Variants in AHRR observed in about 807,000 individuals in gnomAD.
The protein encoded by AHRR is ahR repressor.
A neutral mutation model predicts 44.0 loss-of-function variants in AHRR; 28 were observed. That is an observed-to-expected ratio of 0.64 (90% CI 0.47 to 0.87). The LOEUF (loss-of-function observed/expected upper bound fraction) is 0.87. Ranked by LOEUF, AHRR falls within the 40% of genes least tolerant of loss-of-function variation. AHRR has a pLI of 0.00. For synonymous variants in AHRR, 434 were observed against 407.0 expected (o/e 1.07, Z -0.80); for missense variants, 990 against 953.9 (o/e 1.04, Z -0.50).
rs111951698 is a variant in AHRR at position 392,783 on chromosome 5, G to A, written c.351+16067G>A. ...CACGTCGACTCTTCTTGCCCATTAC[G>A]TCATTTCATCAGGCCTTACCGCGAC... On this transcript the variant is annotated intron_variant, in intron 4 of 10. Coordinates refer to ENST00000684583, the MANE Select transcript of AHRR (RefSeq NM_001377236.1). 9.3e-3 allele frequency among the ~76,000 whole-genome samples: 1,410 copies of A among 152,218 alleles called. 22 individuals carry two copies. Among genetic ancestry groups the A allele is most frequent in the African/African-American group, 0.029 (1,189 of 41,522 alleles).
At chr5:410,759 G>A (rs1735438852) in intron 4 of AHRR, among the ~76,000 whole-genome samples, 1 of 152,204 alleles carries the variant, frequency 6.6e-6, no homozygotes, top group South Asian at 2.1e-4. Context: ...GGTATTTTAT[G>A]TTTTTTGATT....
In AHRR at chr5:404,369, G is replaced by A; in HGVS notation, c.352-8975G>A. 2.0e-6 allele frequency: 1 copy of A among 505,978 alleles called. No individual in the cohort carries two copies. The highest frequency in any genetic ancestry group is 3.9e-6 in the Non-Finnish European group (1 of 255,114). The allele number at this position is 505,978 out of a possible 1,614,324, so 31.3% of individuals were successfully genotyped here. On this transcript the variant is annotated intron_variant, in intron 4 of 10. Coordinates refer to ENST00000684583, the MANE Select transcript of AHRR (RefSeq NM_001377236.1). The surrounding 1 kb of genome is among the most constrained non-coding windows in gnomAD (Gnocchi z 4.1). ...TTTTCTTTTTTCCTTCATTCTGGGTGTCTTCAGTGGTCCTAAAGCCTTTTG... is the reference window on the plus strand; with the variant it reads ...TTTTCTTTTTTCCTTCATTCTGGGTATCTTCAGTGGTCCTAAAGCCTTTTG...
At chr5:422,952 G>A in intron 6 of AHRR, 94 bp downstream of exon 6, 1 of 1,461,836 alleles carries the variant, frequency 6.8e-7, no homozygotes, top group African/African-American at 1.4e-5. Flanking sequence ...CACCTTCTTG[G>A]TGTGCTTTGC....
chr5:424,295 T>G (rs374304427), intron 7 of AHRR, among the ~76,000 whole-genome samples: 454 of 91,722 alleles, frequency 4.9e-3, no homozygotes, highest in Non-Finnish European at 7.3e-3. Flanking sequence ...GTGTGGGGGC[T>G]TTAACCCACG....
chr5:340,689 T>TATATATATA (rs1491423678), intron 1 of AHRR, among the ~76,000 whole-genome samples: 1 of 17,412 alleles, frequency 5.7e-5, no homozygotes, highest in African/African-American at 2.6e-4. Flanking sequence ...TATATATATA[T>TATATATATA]TTTTTTTTTT....
chr5:373,882 C>T (rs1375410082), intron 3 of AHRR, among the ~76,000 whole-genome samples: 4 of 150,902 alleles, frequency 2.7e-5, no homozygotes, highest in South Asian at 4.1e-4. Flanking sequence ...CACGCGAGGC[C>T]TGGCTGGCCC....
intron 4 of AHRR, among the ~76,000 whole-genome samples, chr5:397,986 G>GT (rs1217416991): frequency 0.011 from 890 of 77,794 alleles, no homozygotes; most frequent in African/African-American, 0.064. Flanking sequence ...GACCATCCAC[G>GT]TAGCCCCTGA....
chr5:369,092 T>C (rs1743473846), intron 3 of AHRR, among the ~76,000 whole-genome samples: 1 of 152,228 alleles, frequency 6.6e-6, no homozygotes, highest in Admixed American at 6.5e-5. Context: ...CCCCACAAGC[T>C]GTAACTAAGG....
chr5:345,518 G>A (rs1414185521), intron 2 of AHRR, among the ~76,000 whole-genome samples: 1 of 102,710 alleles, frequency 9.7e-6, no homozygotes, highest in Non-Finnish European at 2.4e-5. Flanking sequence ...GGGGGTGTGT[G>A]TGTCAGATGA....
chr5:430,910 T>C (rs1736692474), intron 8 of AHRR, among the ~76,000 whole-genome samples: 1 of 152,124 alleles, frequency 6.6e-6, no homozygotes, highest in Non-Finnish European at 1.5e-5. Context: ...GGGAGGAACA[T>C]AGAATTCTAA....
intron 1 of AHRR, among the ~76,000 whole-genome samples, chr5:322,258 G>A (rs886116476): frequency 1.3e-5 from 2 of 152,194 alleles, no homozygotes; most frequent in African/African-American, 4.8e-5. Context: ...TAGCGCTGAA[G>A]TCTTATTTTG....
At chr5:351,496 G>A (rs1210304926) in intron 2 of AHRR, among the ~76,000 whole-genome samples, 5 of 152,302 alleles carry the variant, frequency 3.3e-5, no homozygotes, top group Admixed American at 6.5e-5. Context: ...GAAAGAAGCC[G>A]GCCACAGAAG....
At chr5:349,292 T>A (rs1284369909) in intron 2 of AHRR, among the ~76,000 whole-genome samples, 1 of 152,228 alleles carries the variant, frequency 6.6e-6, no homozygotes, top group East Asian at 1.9e-4. Context: ...TTTGAAAACC[T>A]TTTGGCTGGG....
At chr5:429,428 G>A (rs1266599710) in intron 8 of AHRR, among the ~76,000 whole-genome samples, 1 of 152,224 alleles carries the variant, frequency 6.6e-6, no homozygotes, top group Non-Finnish European at 1.5e-5. Context: ...CTTCCTCCTG[G>A]GACAGCCTGA....
At chr5:421,607 G>A (rs1483550146) in intron 5 of AHRR, among the ~76,000 whole-genome samples, 2 of 152,172 alleles carry the variant, frequency 1.3e-5, no homozygotes, top group Non-Finnish European at 2.9e-5. Flanking sequence ...AGTGCACCGC[G>A]GGGATGCTGG....
chr5:386,446 A>C (rs1008327077), intron 4 of AHRR, among the ~76,000 whole-genome samples: 2 of 152,248 alleles, frequency 1.3e-5, no homozygotes, highest in African/African-American at 2.4e-5. Context: ...AAGAATCCTT[A>C]AAAGTAGAGA....
At position 411,295 on chromosome 5, in the gene AHRR, G is replaced by T. The variant is rs1207752946; in HGVS notation, c.352-2049G>T. On this transcript the variant is annotated intron_variant, in intron 4 of 10. Coordinates refer to ENST00000684583, the MANE Select transcript of AHRR (RefSeq NM_001377236.1). This position sits in a 1 kb window ranked among gnomAD's most constrained non-coding sequence, Gnocchi z 4.2. ...GCATTTGATGCTGACCCTTCTGCTTGTGTGTAATTGGAGGTTTATTACACT... is the reference window on the plus strand; with the variant it reads ...GCATTTGATGCTGACCCTTCTGCTTTTGTGTAATTGGAGGTTTATTACACT... 6.6e-6 allele frequency among the ~76,000 whole-genome samples: 1 copy of T among 151,756 alleles called. No individual in the cohort carries two copies. Among genetic ancestry groups the T allele is most frequent in the Non-Finnish European group, 1.5e-5 (1 of 67,974 alleles).
At position 405,656 on chromosome 5, in the gene AHRR, G is replaced by A. The variant is rs535211956; in HGVS notation, c.352-7688G>A. 6.6e-6 allele frequency among the ~76,000 whole-genome samples: 1 copy of A among 152,210 alleles called. No homozygotes were observed. Among genetic ancestry groups the A allele is most frequent in the East Asian group, 1.9e-4 (1 of 5,164 alleles). On this transcript the variant is annotated intron_variant, in intron 4 of 10. Transcript: ENST00000684583. This position sits in a 1 kb window ranked among gnomAD's most constrained non-coding sequence, Gnocchi z 4.5. Reference sequence around the variant, plus strand: ...AGGTCGGTGGGAGTGAGGGCCTTCGGGTCGCCGGCACCTGACCCAGCAGCC... The same window carrying A: ...AGGTCGGTGGGAGTGAGGGCCTTCGAGTCGCCGGCACCTGACCCAGCAGCC...
Position 411,679 on chromosome 5 carries a change from A to G in AHRR, c.352-1665A>G, listed in dbSNP as rs1735471204. 6.6e-6 allele frequency among the ~76,000 whole-genome samples: 1 copy of G among 152,228 alleles called. No homozygotes were observed. Among genetic ancestry groups the G allele is most frequent in the Admixed American group, 6.5e-5 (1 of 15,288 alleles). On this transcript the variant is annotated intron_variant, in intron 4 of 10. Coordinates refer to ENST00000684583, the MANE Select transcript of AHRR (RefSeq NM_001377236.1). This position sits in a 1 kb window ranked among gnomAD's most constrained non-coding sequence, Gnocchi z 4.2. The stretch of plus-strand genomic sequence containing the variant: ...TAATATATCTGTTTTCAAATTGGCA[A>G]AGATTTCAAAAAAAGAAAAAAGGAA...
Sources: allele counts gnomAD v4.1 joint callset (sites outside exome capture counted in the v4.1 genomes callset), GRCh38; gene constraint gnomAD v4.1.1; non-coding constraint Gnocchi (gnomAD v3.1); transcripts MANE v1.5; gene names NCBI Gene and HGNC (gene_info 2026-07-23, HGNC 2026-07-21).